The following ZMYM2 variants were observed in gnomAD, a reference collection of about 807,000 sequenced individuals.
ZMYM2 encodes zinc finger MYM-type containing 2.
ZMYM2 carries 56 observed loss-of-function variants against 162.8 expected under a neutral mutation model. The observed-to-expected ratio is 0.34, with a 90% confidence interval of 0.28 to 0.43. ZMYM2 has a LOEUF of 0.43. ZMYM2 is among the 20% of genes least tolerant of loss of function. The probability of loss-of-function intolerance (pLI) is 1.00; values close to 1 mark genes in which losing one functional copy is unlikely to be tolerated. For synonymous variants in ZMYM2, 510 were observed against 541.6 expected, an observed-to-expected ratio of 0.94 and a Z score of 0.81; for missense variants, 1,275 against 1,621.8, an observed-to-expected ratio of 0.79 and a Z score of 3.67.
At chr13:20,006,332 A>G (rs368864953) in intron 5 of ZMYM2, 42 bp from the exon 6 acceptor site, 68 of 1,510,650 alleles carry the variant, frequency 4.5e-5, no homozygotes, top group Non-Finnish European at 5.5e-5. Context: ...GCTACTTGTC[A>G]GATTGATCTG....
the ZMYM2 span, among the ~76,000 whole-genome samples, chr13:19,905,048 G>A: frequency 7.8e-6 from 1 of 128,794 alleles, no homozygotes; most frequent in Non-Finnish European, 1.6e-5. Flanking sequence ...GACTCACTCT[G>A]TCTCCCAGGC....
At chr13:20,058,384 A>T (rs144619734) in intron 14 of ZMYM2, among the ~76,000 whole-genome samples, 191 bp from the exon 15 acceptor site, 1 of 152,190 alleles carries the variant, frequency 6.6e-6, no homozygotes, top group South Asian at 2.1e-4. Context: ...CCACTTTGCT[A>T]GTAGTTAGGA....
the ZMYM2 span, among the ~76,000 whole-genome samples, chr13:19,875,385 T>C: frequency 6.6e-6 from 1 of 151,948 alleles, no homozygotes; most frequent in Non-Finnish European, 1.5e-5. Context: ...ATCCCAGCAC[T>C]TAGGGAGGCT....
chr13:20,026,638 T>C lies in ZMYM2; in HGVS notation c.1611T>C (p.Thr537=). 3.7e-6 allele frequency: 6 copies of C among 1,604,546 alleles called. No homozygotes were observed. The highest frequency in any genetic ancestry group is 5.1e-6 in the Non-Finnish European group (6 of 1,177,810). ...PEKYGKLTTC[T]GCRTQCRFFD... is the part of the protein sequence containing the mutation. ...AATATGGAAAACTGACAACTTGTAC[T>C]GGTTGCCGAACACAGTGCAGGTTTT... The change falls in exon 8 of 25, where the codon ACT becomes ACC. Residue 537 remains threonine, a synonymous_variant. Transcript: ENST00000610343.
At chr13:19,949,539 G>A in the ZMYM2 span, among the ~76,000 whole-genome samples, 2 of 152,140 alleles carry the variant, frequency 1.3e-5, no homozygotes, top group African/African-American at 4.8e-5. Context: ...GCTGCAGTGA[G>A]CCATGATCAT....
the ZMYM2 span, among the ~76,000 whole-genome samples, chr13:19,924,363 A>G: frequency 3.9e-5 from 6 of 152,224 alleles, no homozygotes; most frequent in South Asian, 1.2e-3. Flanking sequence ...CAGGAGTTCG[A>G]CACCACTGTG....
At chr13:20,002,406 C>T (rs945959031) in intron 3 of ZMYM2, among the ~76,000 whole-genome samples, 3 of 152,132 alleles carry the variant, frequency 2.0e-5, no homozygotes, top group Admixed American at 6.6e-5. Context: ...CCATTTCAGG[C>T]GCTCTGAAGA....
the ZMYM2 span, among the ~76,000 whole-genome samples, chr13:19,888,607 A>T: frequency 1.3e-5 from 2 of 151,502 alleles, no homozygotes; most frequent in African/African-American, 4.9e-5. Flanking sequence ...TTGTTTATTT[A>T]TTTATTTTTG....
intron 6 of ZMYM2, among the ~76,000 whole-genome samples, chr13:20,009,268 C>A (rs371750752): frequency 1.3e-5 from 2 of 152,150 alleles, no homozygotes; most frequent in East Asian, 1.9e-4. Context: ...TATTAAAGTA[C>A]TACCCCACAA....
At chr13:19,873,400 AT>A in the ZMYM2 span, among the ~76,000 whole-genome samples, 2 of 149,368 alleles carry the variant, frequency 1.3e-5, no homozygotes, top group Middle Eastern at 6.8e-3. Flanking sequence ...TTATTTATTT[AT>A]TTATTTATTT....
Position 19,993,600 on chromosome 13 carries a change from A to G in ZMYM2, c.528A>G (p.Thr176=), listed in dbSNP as rs754579033. 1.2e-6 allele frequency: 2 copies of G among 1,614,230 alleles called. No individual in the cohort carries two copies. Among genetic ancestry groups the G allele is most frequent in the South Asian group, 1.1e-5 (1 of 91,088 alleles). Reference sequence around the variant, plus strand: ...GAATGGGTAATAGTGGTATCACCACAGAACCAGACTCTGAAATTCAGATTG... The same window carrying G: ...GAATGGGTAATAGTGGTATCACCACGGAACCAGACTCTGAAATTCAGATTG... The part of the protein sequence containing the change: ...NAGMGNSGIT[T]EPDSEIQIAN... The change falls in exon 3 of 25, where the codon ACA becomes ACG. Residue 176 remains threonine (T), a synonymous_variant. Coordinates refer to ENST00000610343, the MANE Select transcript of ZMYM2 (RefSeq NM_197968.4).
the ZMYM2 span, among the ~76,000 whole-genome samples, chr13:19,934,484 C>T: frequency 4.6e-5 from 7 of 152,080 alleles, no homozygotes; most frequent in Non-Finnish European, 1.0e-4. Context: ...TTCTTAAATT[C>T]GTCAATTTGA....
the ZMYM2 span, among the ~76,000 whole-genome samples, chr13:19,910,532 C>CTTTTTTTTTTTT: frequency 1.4e-5 from 2 of 143,826 alleles, 1 homozygote; most frequent in Non-Finnish European, 3.0e-5. Context: ...TTCTCTCTCT[C>CTTTTTTTTTTTT]TCTTTTTTTT....
the ZMYM2 span, among the ~76,000 whole-genome samples, chr13:19,906,255 A>T: frequency 7.2e-6 from 1 of 138,038 alleles, no homozygotes; most frequent in East Asian, 2.2e-4. Flanking sequence ...AGTCTGGGCA[A>T]CAAGTGTGAA....
At chr13:20,063,785 T>TAC (rs1956412431) in intron 18 of ZMYM2, among the ~76,000 whole-genome samples, 1 of 136,276 alleles carries the variant, frequency 7.3e-6, no homozygotes, top group Non-Finnish European at 1.6e-5. Flanking sequence ...TCTCAAAAAA[T>TAC]ATATATATAT....
the ZMYM2 span, among the ~76,000 whole-genome samples, chr13:19,915,072 C>T: frequency 6.6e-6 from 1 of 152,206 alleles, no homozygotes; most frequent in African/African-American, 2.4e-5. Context: ...AGTGATTCTT[C>T]TGCTTCAGCC....
intron 12 of ZMYM2, among the ~76,000 whole-genome samples, chr13:20,040,495 T>C (rs1425059506): frequency 6.6e-6 from 1 of 152,150 alleles, no homozygotes; most frequent in Non-Finnish European, 1.5e-5. Flanking sequence ...TTTATTAGTC[T>C]AGCTAGCAGT....
At chr13:20,073,275 ATAAT>A (rs1957228963) in intron 21 of ZMYM2, among the ~76,000 whole-genome samples, 1 of 152,210 alleles carries the variant, frequency 6.6e-6, no homozygotes, top group Non-Finnish European at 1.5e-5. Flanking sequence ...AAGATAGTAA[ATAAT>A]TTAGGCCTTG....
chr13:19,974,876 A>G (rs1354302986), intron 2 of ZMYM2, among the ~76,000 whole-genome samples: 1 of 152,194 alleles, frequency 6.6e-6, no homozygotes. Context: ...GACTGTACCA[A>G]TTAACAGAAT....
Sources: gnomAD v4.1 joint callset for allele counts (sites outside exome capture counted in the v4.1 genomes callset) on GRCh38, gnomAD v4.1.1 for gene constraint, MANE v1.5 for transcripts, NCBI Gene and HGNC (gene_info 2026-07-23, HGNC 2026-07-21) for gene names.